The following ERBB4 variants were observed in gnomAD, a reference collection of about 807,000 sequenced individuals.
ERBB4 encodes the protein erb-b2 receptor tyrosine kinase 4.
ERBB4 carries 42 observed loss-of-function variants against 158.0 expected under a neutral mutation model. The observed-to-expected ratio is 0.27, with a 90% CI of 0.21 to 0.34. The LOEUF is 0.34. ERBB4 is among the 10% of genes least tolerant of loss of function. The pLI is 1.00. For missense variants in ERBB4, 1,333 were observed against 1,624.1 expected (o/e 0.82, Z 3.08); for synonymous variants, 583 against 558.7 (o/e 1.04, Z -0.61).
chr2:211,487,579 T>C (rs2065238904), intron 20 of ERBB4, among the ~76,000 whole-genome samples: 1 of 152,080 alleles, frequency 6.6e-6, no homozygotes, highest in Admixed American at 6.6e-5. Flanking sequence ...CAAGCCAGAA[T>C]TTCTGGGAAA....
At chr2:212,046,195 T>A (rs536599764) in intron 2 of ERBB4, among the ~76,000 whole-genome samples, 1 of 152,306 alleles carries the variant, frequency 6.6e-6, no homozygotes, top group Non-Finnish European at 1.5e-5. Flanking sequence ...AGAGACCTAA[T>A]TTTTTATGAG....
intron 4 of ERBB4, among the ~76,000 whole-genome samples, chr2:211,759,481 T>G (rs920778160): frequency 4.6e-5 from 7 of 152,072 alleles, no homozygotes; most frequent in Non-Finnish European, 8.8e-5. Context: ...GCCTCAGTAT[T>G]TTCCTCCGGG....
chr2:211,890,533 T>A (rs367931919), intron 3 of ERBB4, among the ~76,000 whole-genome samples: 3 of 151,018 alleles, frequency 2.0e-5, no homozygotes, highest in African/African-American at 4.9e-5. Flanking sequence ...TCATAATGAC[T>A]GGATCAAATT....
At chr2:212,222,868 A>T (rs2083342570) in intron 1 of ERBB4, among the ~76,000 whole-genome samples, 1 of 151,592 alleles carries the variant, frequency 6.6e-6, no homozygotes. Context: ...TATTTTGTTC[A>T]GAAGGATCTT....
At chr2:212,382,222 CACAT>C (rs1317602999) in intron 1 of ERBB4, among the ~76,000 whole-genome samples, 15 of 149,500 alleles carry the variant, frequency 1.0e-4, no homozygotes, top group East Asian at 5.8e-4. Context: ...CAAATATACA[CACAT>C]ACATATATAT....
intron 1 of ERBB4, among the ~76,000 whole-genome samples, chr2:212,271,009 C>T (rs2085321625): frequency 6.6e-6 from 1 of 151,728 alleles, no homozygotes; most frequent in African/African-American, 2.4e-5. Flanking sequence ...TGTTTTTAGC[C>T]AATGAGTTTT....
intron 2 of ERBB4, 46 bp downstream of exon 2, chr2:212,124,706 C>T (rs1312003022): frequency 6.2e-7 from 1 of 1,607,748 alleles, no homozygotes; most frequent in Non-Finnish European, 8.5e-7. Flanking sequence ...TGCATCATGA[C>T]GCCACTGTCC....
At chr2:212,470,877 A>C (rs1445211494) in intron 1 of ERBB4, among the ~76,000 whole-genome samples, 1 of 152,128 alleles carries the variant, frequency 6.6e-6, no homozygotes, top group Non-Finnish European at 1.5e-5. Context: ...AGCAGATACC[A>C]ATAAAAGCTA....
At chr2:212,232,769 C>A (rs536519980) in intron 1 of ERBB4, among the ~76,000 whole-genome samples, 1 of 152,232 alleles carries the variant, frequency 6.6e-6, no homozygotes, top group East Asian at 1.9e-4. Context: ...CTCTTCTACT[C>A]ACATAGATAG....
At chr2:211,728,774 C>G (rs1238853972) in intron 5 of ERBB4, among the ~76,000 whole-genome samples, 1 of 151,758 alleles carries the variant, frequency 6.6e-6, no homozygotes, top group Admixed American at 6.6e-5. Context: ...ACAGATATGT[C>G]TAAGTGTTAC....
chr2:211,636,185 T>A (rs1336283228), intron 16 of ERBB4, among the ~76,000 whole-genome samples: 3 of 152,028 alleles, frequency 2.0e-5, no homozygotes, highest in African/African-American at 7.2e-5. Context: ...ACAGGGATTT[T>A]TTTTTGTAAA....
At chr2:211,484,298 A>C (rs1281012882) in intron 20 of ERBB4, among the ~76,000 whole-genome samples, 1 of 152,206 alleles carries the variant, frequency 6.6e-6, no homozygotes, top group Non-Finnish European at 1.5e-5. Context: ...ATCTAAATCT[A>C]GTTACACCAA....
chr2:211,626,959 A>AT (rs1434313500), intron 17 of ERBB4, among the ~76,000 whole-genome samples: 1 of 34,694 alleles, frequency 2.9e-5, no homozygotes. Flanking sequence ...AAAAAAATAA[A>AT]AAAAAAAAAG....
At chr2:211,939,091 C>T (rs2080411593) in intron 3 of ERBB4, among the ~76,000 whole-genome samples, 1 of 152,080 alleles carries the variant, frequency 6.6e-6, no homozygotes, top group African/African-American at 2.4e-5. Context: ...ATGATATATT[C>T]AAGTATTATA....
chr2:211,383,487 T>G lies in ERBB4; in HGVS notation c.*128A>C. 3 of 741,762 alleles carry G rather than the reference T, an allele frequency of 4.0e-6. No individual in the cohort carries two copies. Among genetic ancestry groups the G allele is most frequent in the Non-Finnish European group, 7.1e-6 (3 of 420,376 alleles). 45.9% of individuals were successfully genotyped at this position (741,762 alleles called of 1,614,324 possible). A position where few individuals can be genotyped will look rare whatever the true frequency, so the allele number is the denominator to read the frequency against. On this transcript the variant is annotated 3_prime_UTR_variant, in exon 28 of 28. Coordinates refer to ENST00000342788, the MANE Select transcript of ERBB4 (RefSeq NM_005235.3). ...GTAAGCACATAACTATCATTGCATC[T>G]CTGTATCTTCCACTGGGAAGTGTCA... is the stretch of plus-strand genomic sequence containing the variant.
intron 19 of ERBB4, among the ~76,000 whole-genome samples, chr2:211,588,570 C>A (rs2068361899): frequency 6.6e-6 from 1 of 152,022 alleles, no homozygotes; most frequent in African/African-American, 2.4e-5. Flanking sequence ...TTTGACTCAT[C>A]TAATTCCCAA....
At chr2:212,060,887 C>T (rs2077741597) in intron 2 of ERBB4, among the ~76,000 whole-genome samples, 1 of 150,568 alleles carries the variant, frequency 6.6e-6, no homozygotes, top group South Asian at 2.1e-4. Context: ...TGCAGCACAC[C>T]AACATGGCGC....
chr2:211,557,990 A>G (rs146003542), intron 20 of ERBB4, among the ~76,000 whole-genome samples: 15,369 of 152,218 alleles, frequency 0.1, 929 homozygotes, highest in Non-Finnish European at 0.14. Context: ...GCTGGAGGCC[A>G]TTATCCTTAG....
intron 3 of ERBB4, among the ~76,000 whole-genome samples, chr2:211,856,696 A>G (rs1261112540): frequency 6.6e-6 from 1 of 152,048 alleles, no homozygotes; most frequent in Non-Finnish European, 1.5e-5. Flanking sequence ...CTAGTCTTGT[A>G]ATTTCTTTCT....
Sources: allele counts gnomAD v4.1 joint callset (sites outside exome capture counted in the v4.1 genomes callset), GRCh38; gene constraint gnomAD v4.1.1; transcripts MANE v1.5; gene names NCBI Gene and HGNC (gene_info 2026-07-23, HGNC 2026-07-21).